The following PCDH7 variants were observed in gnomAD, a reference collection of about 807,000 sequenced individuals.
The protein encoded by PCDH7 is protocadherin 7, also known as protocadherin-7.
A neutral mutation model predicts 58.9 loss-of-function variants in PCDH7; 17 were observed. The ratio of observed to expected loss-of-function variants is 0.29; its 90% CI spans 0.20 to 0.43. The LOEUF is 0.43. PCDH7 is among the 20% of genes least tolerant of loss of function. PCDH7 has a pLI of 1.00. For synonymous variants in PCDH7, 664 were observed against 616.4 expected, an observed-to-expected ratio of 1.08 and a Z score of -1.14; for missense variants, 1,274 against 1,441.0, an observed-to-expected ratio of 0.88 and a Z score of 1.88.
At chr4:31,009,120 G>A (rs368989328) in intron 3 of PCDH7, among the ~76,000 whole-genome samples, 41 of 152,012 alleles carry the variant, frequency 2.7e-4, no homozygotes, top group Middle Eastern at 3.2e-3. Context: ...CACTTGGTCT[G>A]CGTAATTAAA....
Position 31,120,222 on chromosome 4 carries a change from T to C in PCDH7, c.*8-22251T>C, listed in dbSNP as rs191527588. Among the ~76,000 whole-genome samples, 8 of 152,120 alleles carry C rather than the reference T, an allele frequency of 5.3e-5. No homozygotes were observed. The East Asian group carries it at 1.4e-3, about 26-fold the overall frequency. On this transcript the variant is annotated intron_variant, in intron 3 of 3. Transcript: ENST00000509759. ...TATTTTATTTTTTCCTTCCTGTTTT[T>C]TCTCCCATTTCCCTCTTCTTACTTC...
At chr4:30,834,617 C>T (rs368179318) in intron 1 of PCDH7, among the ~76,000 whole-genome samples, 3 of 150,612 alleles carry the variant, frequency 2.0e-5, no homozygotes, top group African/African-American at 7.3e-5. Flanking sequence ...GTTTGATGGT[C>T]TTTGGTAAAA....
chr4:31,036,516 A>G (rs940239874), intron 3 of PCDH7, among the ~76,000 whole-genome samples: 9 of 152,138 alleles, frequency 5.9e-5, no homozygotes, highest in Admixed American at 2.0e-4. Context: ...AAGATAATGG[A>G]AGATCCTATC....
At chr4:30,881,113 C>G (rs998121023) in intron 1 of PCDH7, among the ~76,000 whole-genome samples, 1 of 152,132 alleles carries the variant, frequency 6.6e-6, no homozygotes, top group Non-Finnish European at 1.5e-5. Context: ...TATAGAACAT[C>G]TCCTCAGTCT....
chr4:30,832,866 A>G (rs1043373695), intron 1 of PCDH7, among the ~76,000 whole-genome samples: 1 of 152,224 alleles, frequency 6.6e-6, no homozygotes, highest in African/African-American at 2.4e-5. Context: ...ATAATGGAGT[A>G]GTAGATTCAG....
intron 1 of PCDH7, among the ~76,000 whole-genome samples, chr4:30,850,304 G>A (rs1732553125): frequency 1.3e-5 from 2 of 152,054 alleles, no homozygotes; most frequent in South Asian, 4.1e-4. Flanking sequence ...CAACTTGATG[G>A]CTAAGCGCTG....
chr4:31,034,869 CT>C (rs1755259069), intron 3 of PCDH7, among the ~76,000 whole-genome samples: 2 of 152,162 alleles, frequency 1.3e-5, no homozygotes, highest in South Asian at 2.1e-4. Context: ...AGCAGTTAGT[CT>C]TGGTGACATG....
Position 30,832,185 on chromosome 4 carries a change from G to A in PCDH7, c.71-87968G>A, listed in dbSNP as rs370905439. The stretch of plus-strand genomic sequence containing the variant: ...CTATGGGGGAATGAAACCTGGTTTC[G>A]GCTAGAAAGGATGCAACCTATAATA... On this transcript the variant is annotated intron_variant, in intron 1 of 3. Coordinates refer to the PCDH7 transcript ENST00000509759. Among the ~76,000 whole-genome samples the A allele has an allele frequency of 1.8e-4, 27 of 152,186 alleles. No individual in the cohort carries two copies. In the South Asian group the frequency reaches 3.9e-3, roughly 22 times the overall value.
At chr4:31,063,033 C>A (rs1757809139) in intron 3 of PCDH7, among the ~76,000 whole-genome samples, 1 of 151,752 alleles carries the variant, frequency 6.6e-6, no homozygotes, top group African/African-American at 2.4e-5. Flanking sequence ...CTAAATTAAT[C>A]TTTATTGGGT....
chr4:30,752,783 C>CA (rs35860745), intron 1 of PCDH7, among the ~76,000 whole-genome samples: 1,595 of 99,174 alleles, frequency 0.016, 16 homozygotes, highest in South Asian at 0.039. Context: ...CCTGTAGGGG[C>CA]AAAAAAAAAA....
intron 1 of PCDH7, among the ~76,000 whole-genome samples, chr4:30,862,389 T>C: frequency 6.6e-6 from 1 of 152,276 alleles, no homozygotes; most frequent in Middle Eastern, 3.4e-3. Flanking sequence ...CTCTTGCCAT[T>C]AGCTGTCTAC....
chr4:30,857,115 A>G (rs1402340028), intron 1 of PCDH7, among the ~76,000 whole-genome samples: 1 of 152,112 alleles, frequency 6.6e-6, no homozygotes, highest in Admixed American at 6.6e-5. Context: ...CTGTCAAAAC[A>G]CAACTTCTTT....
intron 3 of PCDH7, among the ~76,000 whole-genome samples, chr4:30,961,259 G>T (rs866140297): frequency 6.6e-6 from 1 of 151,712 alleles, no homozygotes; most frequent in Non-Finnish European, 1.5e-5. Flanking sequence ...ATAAAACCTT[G>T]GCACGCCGGG....
intron 1 of PCDH7, among the ~76,000 whole-genome samples, chr4:30,749,197 T>C (rs776323298): frequency 2.6e-5 from 4 of 152,214 alleles, no homozygotes; most frequent in Non-Finnish European, 5.9e-5. Flanking sequence ...ATATTGACTA[T>C]GAAGAAAAGG....
intron 3 of PCDH7, among the ~76,000 whole-genome samples, chr4:31,000,120 G>A (rs939382023): frequency 6.6e-6 from 1 of 152,078 alleles, no homozygotes; most frequent in African/African-American, 2.4e-5. Context: ...ATTATGTGCT[G>A]TAGGACTTGC....
chr4:31,061,113 G>A (rs1264256888), intron 3 of PCDH7, among the ~76,000 whole-genome samples: 2 of 151,644 alleles, frequency 1.3e-5, no homozygotes, highest in Non-Finnish European at 3.0e-5. Context: ...TTATTGTCAT[G>A]TTGATTTCTA....
intron 3 of PCDH7, among the ~76,000 whole-genome samples, chr4:31,096,291 AC>A (rs1713971664): frequency 6.6e-6 from 1 of 152,138 alleles, no homozygotes; most frequent in African/African-American, 2.4e-5. Context: ...TTTACCTTTT[AC>A]CAAGTTTTGA....
chr4:30,803,927 A>G (rs1725852588), intron 1 of PCDH7, among the ~76,000 whole-genome samples: 1 of 152,238 alleles, frequency 6.6e-6, no homozygotes, highest in Admixed American at 6.5e-5. Context: ...TATTTTTAGC[A>G]GTATTCTAGC....
At chr4:30,905,604 G>T (rs1221173839) in intron 1 of PCDH7, among the ~76,000 whole-genome samples, 1 of 152,186 alleles carries the variant, frequency 6.6e-6, no homozygotes, top group East Asian at 1.9e-4. Flanking sequence ...ACAGTGGTAG[G>T]CACAAAGCAA....
Sources: allele counts gnomAD v4.1 joint callset (sites outside exome capture counted in the v4.1 genomes callset), GRCh38; gene constraint gnomAD v4.1.1; transcripts MANE v1.5; gene names NCBI Gene and HGNC (gene_info 2026-07-23, HGNC 2026-07-21).